PDE4A: variants seen among roughly 807,000 people sequenced by gnomAD.
The protein encoded by PDE4A is 3',5'-cyclic-AMP phosphodiesterase 4A.
Under a neutral mutation model 73.9 loss-of-function variants are expected in PDE4A, and 21 were observed. The ratio of observed to expected loss-of-function variants is 0.28; its 90% CI spans 0.20 to 0.41. PDE4A has a LOEUF of 0.41. PDE4A is among the 10% of genes least tolerant of loss of function. The pLI is 1.00. For missense variants in PDE4A, 958 were observed against 1,211.4 expected (o/e 0.79, Z 3.10); for synonymous variants, 463 against 505.4 (o/e 0.92, Z 1.13).
Position 10,459,724 on chromosome 19 carries a change from TCCACCCACGTACTGCTGG to T in PDE4A, c.1335_1352del (p.His446_Thr451del), listed in dbSNP as rs777165704. 6.2e-7 allele frequency: 1 copy of T among 1,613,996 alleles called. No individual in the cohort carries two copies. Among genetic ancestry groups the T allele is most frequent in the Non-Finnish European group, 8.5e-7 (1 of 1,179,926 alleles). ...CCTGCACGCAGCTGACGTGCTGCAG[TCCACCCACGTACTGCTGG>T]CCACGCCTGCACTAGATGTGAGTGA... On this transcript the variant is annotated inframe_deletion, in exon 10 of 15. Coordinates refer to ENST00000380702, the MANE Select transcript of PDE4A (RefSeq NM_001111307.2).
upstream of PDE4A, chr19:10,416,942 G>A (rs566768071): frequency 4.4e-4 from 674 of 1,543,018 alleles, no homozygotes; most frequent in Non-Finnish European, 4.0e-4. Context: ...AGGTTGGCGA[G>A]ATGAAGAGGA....
In PDE4A at chr19:10,453,206, G is replaced by A. The variant is rs199855247; in HGVS notation, c.784-1623G>A. The A allele has an allele frequency of 2.5e-4, 391 of 1,555,162 alleles. 1 individual carries two copies. In the African/African-American group the frequency reaches 4.9e-3, roughly 19 times the overall value. On this transcript the variant is annotated intron_variant, in intron 6 of 14. Coordinates refer to ENST00000380702, the MANE Select transcript of PDE4A (RefSeq NM_001111307.2). This position sits in a 1 kb window ranked among gnomAD's most constrained non-coding sequence, Gnocchi z 4.6. ...CCCCTCCCCAGTGGTTGTTAACCCC[G>A]GGACTCCCCAAGCCCAGCCTCTGTG...
In PDE4A at chr19:10,453,610, G is replaced by T. The variant is rs947504329; in HGVS notation, c.784-1219G>T. ...TGTCTGCCTGAGTATAGGCTTGTTT[G>T]CCTGGGTCACTGTGTGGCCCTGTCT... On this transcript the variant is annotated intron_variant, in intron 6 of 14. Transcript: ENST00000380702. This position sits in a 1 kb window ranked among gnomAD's most constrained non-coding sequence, Gnocchi z 4.6. Among the ~76,000 whole-genome samples the T allele has an allele frequency of 6.6e-6, 1 of 152,046 alleles. No homozygotes were observed. Among genetic ancestry groups the T allele is most frequent in the Admixed American group, 6.6e-5 (1 of 15,258 alleles).
chr19:10,464,059 C>T, intron 14 of PDE4A, 84 bp downstream of exon 14: 3 of 1,529,898 alleles, frequency 2.0e-6, no homozygotes, highest in South Asian at 1.2e-5. Flanking sequence ...CCCAGGAGCT[C>T]CTCCCCTGCC....
chr19:10,421,154 G>A, intron 1 of PDE4A, 70 bp downstream of exon 1: 1 of 1,339,742 alleles, frequency 7.5e-7, no homozygotes, highest in Non-Finnish European at 9.5e-7. Context: ...CGAGCTGCCG[G>A]CCGCAGGGGG....
chr19:10,461,593 C>A lies in PDE4A; in HGVS notation c.1533C>A (p.Phe511Leu), dbSNP rs1326784659. The change falls in exon 12 of 15, where the codon TTC becomes TTA. Residue 511 changes from phenylalanine (F) to leucine (L), a missense_variant. Phe to Leu is a conservative substitution (Grantham distance 22). This residue lies in a region of PDE4A where 570 missense variants were observed against 827.7 expected (regional missense o/e 0.69). Coordinates refer to ENST00000380702, the MANE Select transcript of PDE4A (RefSeq NM_001111307.2). The part of the protein sequence containing the change: ...VLENHHLAVG[F>L]KLLQEDNCDI... Reference sequence around the variant, plus strand: ...AGAATCACCACCTGGCCGTGGGCTTCAAGCTGCTGCAGGAGGACAACTGCG... The same window carrying A: ...AGAATCACCACCTGGCCGTGGGCTTAAAGCTGCTGCAGGAGGACAACTGCG... The A allele has an allele frequency of 6.2e-7, 1 of 1,611,960 alleles. No individual in the cohort carries two copies. Among genetic ancestry groups the A allele is most frequent in the Non-Finnish European group, 8.5e-7 (1 of 1,178,978 alleles).
chr19:10,417,376 G>C, upstream of PDE4A: 3 of 985,300 alleles, frequency 3.0e-6, no homozygotes, highest in Non-Finnish European at 3.6e-6. Flanking sequence ...TGATGTGTTA[G>C]AGAGGTCTCA....
chr19:10,442,259 G>A (rs2042948514), intron 1 of PDE4A, among the ~76,000 whole-genome samples: 1 of 151,912 alleles, frequency 6.6e-6, no homozygotes, highest in Non-Finnish European at 1.5e-5. Context: ...AGGCCTGCCA[G>A]GCACCTATAA....
At chr19:10,459,316 G>A (rs2043221305) in intron 8 of PDE4A, 84 bp from the exon 9 acceptor site, 1 of 1,599,428 alleles carries the variant, frequency 6.3e-7, no homozygotes. Flanking sequence ...GCTTCCTTCA[G>A]ACCAAGGCTT....
intron 4 of PDE4A, 144 bp from the exon 5 acceptor site, chr19:10,450,459 T>C: frequency 7.0e-7 from 1 of 1,429,186 alleles, no homozygotes; most frequent in Non-Finnish European, 9.2e-7. Flanking sequence ...TCATTGAGGC[T>C]GCAGGCAGAG....
chr19:10,466,831 T>C, intron 14 of PDE4A, 56 bp from the exon 15 acceptor site: 1 of 1,566,890 alleles, frequency 6.4e-7, no homozygotes, highest in East Asian at 2.2e-5. Flanking sequence ...TCCCATAATG[T>C]GGTGGTATCA....
rs138903229 is a variant in PDE4A at position 10,423,999 on chromosome 19, C to G, written c.320+2915C>G. ...AAGGGGGTTTTTACCAGGGCACATA[C>G]AGGATTCAGTGCTCCCCACACTGGA... On this transcript the variant is annotated intron_variant, in intron 1 of 14. Coordinates refer to ENST00000380702, the MANE Select transcript of PDE4A (RefSeq NM_001111307.2). Among the ~76,000 whole-genome samples, 171 of 152,328 alleles carry G rather than the reference C, an allele frequency of 1.1e-3. 1 individual carries two copies. The highest frequency in any genetic ancestry group is 4.1e-3 in the African/African-American group (170 of 41,562).
At chr19:10,464,439 C>T (rs1296318236) in intron 14 of PDE4A, 1 of 455,112 alleles carries the variant, frequency 2.2e-6, no homozygotes, top group Admixed American at 2.4e-5. Flanking sequence ...TATTTTGAGA[C>T]CGGGTCTTGC....
In PDE4A at chr19:10,457,965, C is replaced by T; in HGVS notation, c.964C>T (p.Pro322Ser). ...GCCGCGACCAAGACCCTCCCAGCCG[C>T]CCCCGCCCCCTGTACCACACTTACA... ...QAPRPRPSQP[P>S]PPPVPHLQPM... is the part of the protein sequence containing the mutation. Residue 322 changes from proline to serine, a missense_variant, in exon 8 of 15, where the codon CCC becomes TCC. Physicochemically the swap from Pro to Ser is moderately conservative, Grantham distance 74 (BLOSUM62 -1). Around this residue, in one of 3 missense-constraint regions of PDE4A, gnomAD observed 570 missense variants for 827.7 expected, o/e 0.69. Transcript: ENST00000380702. 6.2e-7 allele frequency: 1 copy of T among 1,613,758 alleles called. No homozygotes were observed.
In PDE4A at chr19:10,450,606, G is replaced by T. The variant is rs768218034; in HGVS notation, c.624G>T (p.Arg208=). The part of the protein sequence containing the change: ...LTNVPVPSNK[R]SPLGGPTPVC... ...CCCCATTTTTTTTTTTCTGCAGGCG[G>T]TCCCCGCTGGGCGGCCCCACCCCTG... The change falls in exon 5 of 15, where the codon CGG becomes CGT. Residue 208 remains arginine (R), a synonymous_variant. Coordinates refer to ENST00000380702, the MANE Select transcript of PDE4A (RefSeq NM_001111307.2). 6 of 1,607,228 alleles carry T rather than the reference G, an allele frequency of 3.7e-6. No homozygotes were observed. The highest frequency in any genetic ancestry group is 4.2e-6 in the Non-Finnish European group (5 of 1,177,548).
At chr19:10,416,984 G>A (rs1334000420), upstream of PDE4A, 2 of 1,540,828 alleles carry the variant, frequency 1.3e-6, no homozygotes, top group Non-Finnish European at 1.7e-6. Flanking sequence ...CAGGGACCGG[G>A]GACGAGGTGC....
At chr19:10,441,734 G>T (rs1025513913) in intron 1 of PDE4A, among the ~76,000 whole-genome samples, 2 of 138,076 alleles carry the variant, frequency 1.4e-5, no homozygotes, top group Admixed American at 1.6e-4. Context: ...CTGTCATCCA[G>T]GCTGGAGTGC....
intron 7 of PDE4A, among the ~76,000 whole-genome samples, chr19:10,455,134 A>G (rs1346684674): frequency 1.3e-5 from 2 of 152,112 alleles, no homozygotes; most frequent in Non-Finnish European, 2.9e-5. Flanking sequence ...AACATCTGAA[A>G]TCATCTGTGA....
chr19:10,462,463 CTTTTTTTAAATTTAT>C (rs1360661120), intron 13 of PDE4A, among the ~76,000 whole-genome samples: 1 of 151,340 alleles, frequency 6.6e-6, no homozygotes, highest in Non-Finnish European at 1.5e-5. Context: ...GCTCAGCCCT[CTTTTTTTAAATTTAT>C]TTTTATTTAC....
Sources: gnomAD v4.1 joint callset for allele counts (sites outside exome capture counted in the v4.1 genomes callset) on GRCh38, gnomAD v4.1.1 for gene constraint, gnomAD v4.1.1 regional missense constraint, Gnocchi (gnomAD v3.1) non-coding constraint, MANE v1.5 for transcripts, NCBI Gene and HGNC (gene_info 2026-07-23, HGNC 2026-07-21) for gene names.